Variants in CCDC13 observed in about 807,000 individuals in gnomAD.
CCDC13 encodes the protein coiled-coil domain containing 13.
In CCDC13, 70 loss-of-function variants were observed where a neutral mutation model predicts 87.3. The ratio of observed to expected loss-of-function variants is 0.80; its 90% CI spans 0.66 to 0.98. The LOEUF (loss-of-function observed/expected upper bound fraction) is 0.98, where lower values mean the gene tolerates loss of function less well. Among genes scored for constraint, CCDC13 ranks in the 50% least tolerant of loss-of-function variants. The pLI is 0.00. For missense variants in CCDC13, 842 were observed against 892.0 expected (o/e 0.94, Z 0.71); for synonymous variants, 317 against 360.3 (o/e 0.88, Z 1.36).
intron 3 of CCDC13, among the ~76,000 whole-genome samples, chr3:42,756,464 C>A (rs1017179241): frequency 6.6e-6 from 1 of 152,168 alleles, no homozygotes; most frequent in Non-Finnish European, 1.5e-5. Context: ...CTTACAGGGC[C>A]AAGACCCAGC....
At chr3:42,753,900 G>A (rs1360126283) in intron 3 of CCDC13, among the ~76,000 whole-genome samples, 1 of 152,214 alleles carries the variant, frequency 6.6e-6, no homozygotes, top group East Asian at 1.9e-4. Context: ...GAAGGTGGCT[G>A]GAGGATGTGA....
rs1354083172 is a variant in CCDC13 at position 42,709,799 on chromosome 3, C to A, written c.1874-1G>T. On this transcript the variant is annotated splice_acceptor_variant, in intron 14 of 15. Transcript: ENST00000310232. LOFTEE classifies it high-confidence loss of function. ...TGCCTGTTGTTAGAGGTGGGCAGAC[C>A]TGTGGGGCAGCAGCAACCACTTTCT... 1.9e-6 allele frequency: 3 copies of A among 1,613,234 alleles called. 1 individual carries two copies. In the South Asian group the frequency reaches 3.3e-5, roughly 18 times the overall value.
At chr3:42,750,744 G>A (rs531466858) in intron 5 of CCDC13, among the ~76,000 whole-genome samples, 63 of 152,242 alleles carry the variant, frequency 4.1e-4, no homozygotes, top group African/African-American at 1.3e-3. Context: ...CTGGGATTAC[G>A]GGCATGAGCC....
Position 42,752,043 on chromosome 3 carries a change from G to C in CCDC13, c.514-18C>G, listed in dbSNP as rs776450754. 1.3e-6 allele frequency: 2 copies of C among 1,597,264 alleles called. No homozygotes were observed. Among genetic ancestry groups the C allele is most frequent in the African/African-American group, 2.7e-5 (2 of 74,832 alleles). ...GTCTGCAGCTGAAAAAGCAAACCTC[G>C]TGCTTAATACTCTGCTCAGCGATTG... is the stretch of plus-strand genomic sequence containing the variant. On this transcript the variant is annotated intron_variant, in intron 4 of 15. Transcript: ENST00000310232.
chr3:42,723,010 G>T lies in CCDC13; in HGVS notation c.1718+7457C>A, dbSNP rs1698604244. On this transcript the variant is annotated intron_variant, in intron 13 of 15. Coordinates refer to ENST00000310232, the MANE Select transcript of CCDC13 (RefSeq NM_144719.4). ...GACGGGGTTTCACCCTGTTAGCCAG[G>T]ATGGTCTCGATCTCCTGACCTCGTG... Among the ~76,000 whole-genome samples the T allele has an allele frequency of 2.0e-5, 3 of 151,998 alleles. No individual in the cohort carries two copies. In the South Asian group the frequency reaches 6.2e-4, roughly 32 times the overall value.
intron 13 of CCDC13, among the ~76,000 whole-genome samples, chr3:42,713,729 G>C (rs943966877): frequency 2.0e-5 from 3 of 152,184 alleles, no homozygotes; most frequent in Admixed American, 6.5e-5. Flanking sequence ...CTACGAAACA[G>C]AATCACCTGT....
At chr3:42,710,361 C>T (rs1469496044) in intron 14 of CCDC13, among the ~76,000 whole-genome samples, 1 of 152,102 alleles carries the variant, frequency 6.6e-6, no homozygotes, top group African/African-American at 2.4e-5. Context: ...CATGCCCAGC[C>T]TGGTAATTTG....
At chr3:42,762,345 C>T (rs1198310986) in intron 1 of CCDC13, among the ~76,000 whole-genome samples, 1 of 152,238 alleles carries the variant, frequency 6.6e-6, no homozygotes, top group Non-Finnish European at 1.5e-5. Context: ...TGACCCGCTC[C>T]TAAGAGAGAA....
At chr3:42,724,699 T>C (rs1013313234) in intron 13 of CCDC13, among the ~76,000 whole-genome samples, 4 of 152,358 alleles carry the variant, frequency 2.6e-5, no homozygotes, top group Middle Eastern at 3.4e-3. Flanking sequence ...TTGATTTTCA[T>C]TGTATTTCAA....
At chr3:42,763,502 A>G (rs893864632) in intron 1 of CCDC13, among the ~76,000 whole-genome samples, 1 of 147,908 alleles carries the variant, frequency 6.8e-6, no homozygotes, top group Admixed American at 6.7e-5. Context: ...GAAGAGATGT[A>G]CTTTTTTTTT....
chr3:42,708,962 C>G lies in CCDC13; in HGVS notation c.*18G>C. Reference sequence around the variant, plus strand: ...CCTGAGGCTGCCCACCCGGCCAGGCCGACACTGGGCTGTCATCCTATTGCT... The same window carrying G: ...CCTGAGGCTGCCCACCCGGCCAGGCGGACACTGGGCTGTCATCCTATTGCT... On this transcript the variant is annotated 3_prime_UTR_variant, in exon 16 of 16. Transcript: ENST00000310232. The G allele has an allele frequency of 6.2e-7, 1 of 1,601,774 alleles. No homozygotes were observed. The highest frequency in any genetic ancestry group is 8.5e-7 in the Non-Finnish European group (1 of 1,174,180).
At chr3:42,748,422 C>T (rs1459591297) in intron 5 of CCDC13, among the ~76,000 whole-genome samples, 1 of 152,254 alleles carries the variant, frequency 6.6e-6, no homozygotes, top group Non-Finnish European at 1.5e-5. Context: ...AGCATCCCAT[C>T]AGGCAATGAC....
chr3:42,763,776 G>A (rs143744806), intron 1 of CCDC13, among the ~76,000 whole-genome samples: 20 of 152,292 alleles, frequency 1.3e-4, no homozygotes, highest in African/African-American at 4.6e-4. Flanking sequence ...AAAGTGCTGG[G>A]ATCACAGGTG....
intron 13 of CCDC13, among the ~76,000 whole-genome samples, chr3:42,724,346 C>G (rs1698638320): frequency 6.6e-6 from 1 of 152,228 alleles, no homozygotes; most frequent in African/African-American, 2.4e-5. Flanking sequence ...TCATCTTCAG[C>G]TTCCAATCTA....
intron 1 of CCDC13, among the ~76,000 whole-genome samples, 159 bp downstream of exon 1, chr3:42,773,017 A>C (rs1045355365): frequency 3.3e-5 from 5 of 152,160 alleles, no homozygotes; most frequent in African/African-American, 7.2e-5. Flanking sequence ...TCAAAGGACG[A>C]AGGGGAAGAG....
In CCDC13 at chr3:42,753,522, T is replaced by G. The variant is rs1699635355; in HGVS notation, c.371-805A>C. 3.3e-5 allele frequency among the ~76,000 whole-genome samples: 5 copies of G among 152,208 alleles called. No homozygotes were observed. The South Asian group carries it at 1.0e-3, about 32-fold the overall frequency. On this transcript the variant is annotated intron_variant, in intron 3 of 15. Transcript: ENST00000310232. The stretch of plus-strand genomic sequence containing the variant: ...ATAAAAAAGACTTATGGGGTTTACA[T>G]TCAAGTAGGGAAGACAGATAATTTA...
chr3:42,744,402 C>A (rs895154133), intron 7 of CCDC13, among the ~76,000 whole-genome samples: 1 of 152,208 alleles, frequency 6.6e-6, no homozygotes, highest in Non-Finnish European at 1.5e-5. Context: ...ATTCGCTAGG[C>A]TCCCTGGCAA....
chr3:42,770,050 G>A lies in CCDC13; in HGVS notation c.-7+3126C>T, dbSNP rs549011761. On this transcript the variant is annotated intron_variant, in intron 1 of 15. Transcript: ENST00000310232. ...CAAAAGCCCAAGGGCTGAGGAGTGC[G>A]GGCACACAGCGGGACTGGCCGGCAC... Among the ~76,000 whole-genome samples, 16 of 152,370 alleles carry A rather than the reference G, an allele frequency of 1.1e-4. No homozygotes were observed. In the South Asian group the frequency reaches 2.3e-3, roughly 22 times the overall value.
Position 42,715,560 on chromosome 3 carries a change from C to T in CCDC13, c.1719-2244G>A, listed in dbSNP as rs1052214675. On this transcript the variant is annotated intron_variant, in intron 13 of 15. Transcript: ENST00000310232. Reference sequence around the variant, plus strand: ...CTGGGAGGCAGAGGTTGCAGTGAGCCGAGATCGCACCACTGCACTCTGGCC... The same window carrying T: ...CTGGGAGGCAGAGGTTGCAGTGAGCTGAGATCGCACCACTGCACTCTGGCC... 5.3e-4 allele frequency among the ~76,000 whole-genome samples: 80 copies of T among 151,402 alleles called. 1 individual carries two copies. The highest frequency in any genetic ancestry group is 2.1e-3 in the Admixed American group (32 of 15,206).
Sources: gnomAD v4.1 joint callset for allele counts (sites outside exome capture counted in the v4.1 genomes callset) on GRCh38, gnomAD v4.1.1 for gene constraint, MANE v1.5 for transcripts, NCBI Gene and HGNC (gene_info 2026-07-23, HGNC 2026-07-21) for gene names.